The following MITF variants were observed in gnomAD, a reference collection of about 807,000 sequenced individuals.
MITF encodes the protein microphthalmia-associated transcription factor.
MITF carries 17 observed loss-of-function variants against 60.5 expected under a neutral mutation model. The observed-to-expected ratio is 0.28, with a 90% confidence interval of 0.19 to 0.42. The LOEUF (loss-of-function observed/expected upper bound fraction) is 0.42, where lower values mean the gene tolerates loss of function less well. Among genes scored for constraint, MITF ranks in the 10% least tolerant of loss-of-function variants. MITF has a pLI of 1.00. For missense variants in MITF, 622 were observed against 683.5 expected (o/e 0.91, Z 1.00); for synonymous variants, 260 against 248.5 (o/e 1.05, Z -0.43).
Position 69,858,803 on chromosome 3 carries a change from T to G in MITF, c.105-20331T>G, listed in dbSNP as rs115979367. Among the ~76,000 whole-genome samples, 1,417 of 152,310 alleles carry G rather than the reference T, an allele frequency of 9.3e-3. 18 individuals are homozygous for G. Among genetic ancestry groups the G allele is most frequent in the African/African-American group, 0.032 (1,335 of 41,570 alleles). ...TAAGATATCAAAATTCAAAACTACC[T>G]TAAGCATTGTCTCCAAATAATAACT... On this transcript the variant is annotated intron_variant, in intron 1 of 9. Transcript: ENST00000352241.
intron 1 of MITF, among the ~76,000 whole-genome samples, chr3:69,867,158 C>G (rs1207752853): frequency 2.6e-5 from 4 of 152,118 alleles, no homozygotes; most frequent in Non-Finnish European, 5.9e-5. Flanking sequence ...TATGCAAAAG[C>G]TACCTCTGGA....
At chr3:69,927,415 T>A (rs556695032) in intron 2 of MITF, among the ~76,000 whole-genome samples, 1 of 152,156 alleles carries the variant, frequency 6.6e-6, no homozygotes, top group South Asian at 2.1e-4. Flanking sequence ...AAATACCTAA[T>A]GCATGTGGGG....
rs561583119 is a variant in MITF, at chr3:69,745,035, T to A, written c.104+5334T>A. Among the ~76,000 whole-genome samples, 139 of 152,192 alleles carry A rather than the reference T, an allele frequency of 9.1e-4. 3 individuals are homozygous for A. Among genetic ancestry groups the A allele is most frequent in the Admixed American group, 2.3e-3 (35 of 15,280 alleles). ...AAACCTATTTAATCTTTGTGAAATC[T>A]GCATGAGGTGATCATAATAAATAAA... On this transcript the variant is annotated intron_variant, in intron 1 of 9. Coordinates refer to ENST00000352241, the MANE Select transcript of MITF (RefSeq NM_001354604.2).
At chr3:69,866,348 T>G in intron 1 of MITF, 2 of 1,613,748 alleles carry the variant, frequency 1.2e-6, no homozygotes, top group Non-Finnish European at 1.7e-6. Flanking sequence ...CTTGTATCTG[T>G]AAGTGAAGTT....
intron 1 of MITF, among the ~76,000 whole-genome samples, chr3:69,767,820 C>T (rs2062324318): frequency 6.6e-6 from 1 of 152,060 alleles, no homozygotes; most frequent in African/African-American, 2.4e-5. Flanking sequence ...GCTGGTGTCA[C>T]AGAGGCCAGT....
intron 9 of MITF, among the ~76,000 whole-genome samples, chr3:69,961,324 G>C (rs1349563481): frequency 6.6e-6 from 1 of 151,586 alleles, no homozygotes; most frequent in Non-Finnish European, 1.5e-5. Context: ...AGAGGTTGCA[G>C]TGAGCCAAGA....
At chr3:69,912,823 A>G (rs1284174464) in intron 2 of MITF, among the ~76,000 whole-genome samples, 2 of 152,156 alleles carry the variant, frequency 1.3e-5, no homozygotes, top group East Asian at 1.9e-4. Flanking sequence ...TTGGCCAACT[A>G]TCCTCTACCT....
At chr3:69,899,064 A>G (rs778155524) in intron 2 of MITF, among the ~76,000 whole-genome samples, 2 of 152,178 alleles carry the variant, frequency 1.3e-5, no homozygotes, top group African/African-American at 4.8e-5. Context: ...GAAAGAAAGA[A>G]AGTTTTGTAG....
At chr3:69,816,651 ATTAG>A (rs2063186517) in intron 1 of MITF, among the ~76,000 whole-genome samples, 2 of 152,320 alleles carry the variant, frequency 1.3e-5, no homozygotes, top group South Asian at 4.1e-4. Context: ...ATCTTTGGCA[ATTAG>A]TTAACATCTC....
In MITF at chr3:69,939,193, C is replaced by T. The variant is rs565370020; in HGVS notation, c.666+12C>T. On this transcript the variant is annotated intron_variant, in intron 4 of 9. Transcript: ENST00000352241. Reference sequence around the variant, plus strand: ...CGTCCTGTATGCAGGTACTGAATGACTTGGCAGCCTGAGGATGAACACTTT... The same window carrying T: ...CGTCCTGTATGCAGGTACTGAATGATTTGGCAGCCTGAGGATGAACACTTT... 90 of 1,611,560 alleles carry T rather than the reference C, an allele frequency of 5.6e-5. No homozygotes were observed. The South Asian group carries it at 9.3e-4, about 17-fold the overall frequency.
chr3:69,964,348 A>T (rs144245776), intron 9 of MITF, among the ~76,000 whole-genome samples: 946 of 76,072 alleles, frequency 0.012, 222 homozygotes, highest in African/African-American at 0.051. Flanking sequence ...TATTTTTCAT[A>T]CATAATCAAA....
Position 69,749,909 on chromosome 3 carries a change from A to G in MITF, c.104+10208A>G, listed in dbSNP as rs185897828. Among the ~76,000 whole-genome samples, 243 of 152,322 alleles carry G rather than the reference A, an allele frequency of 1.6e-3. 1 individual carries two copies. Among genetic ancestry groups the G allele is most frequent in the African/African-American group, 5.6e-3 (232 of 41,570 alleles). On this transcript the variant is annotated intron_variant, in intron 1 of 9. Coordinates refer to ENST00000352241, the MANE Select transcript of MITF (RefSeq NM_001354604.2). The stretch of plus-strand genomic sequence containing the variant: ...CAAATGCGAGATGAGTAAATGCTAA[A>G]TGATAGGATTTTGGAAGGTAATTCT...
Position 69,868,626 on chromosome 3 carries a change from C to T in MITF, c.105-10508C>T, listed in dbSNP as rs568539813. Among the ~76,000 whole-genome samples the T allele has an allele frequency of 3.7e-3, 566 of 152,102 alleles. 2 individuals carry two copies. The highest frequency in any genetic ancestry group is 0.012 in the African/African-American group (510 of 41,496). On this transcript the variant is annotated intron_variant, in intron 1 of 9. Transcript: ENST00000352241. ...GATTATAAGACAGCTATTGGCTGGG[C>T]GCGGTGGCTCACGCCTGTAATCCCA...
chr3:69,755,589 G>A (rs929069889), intron 1 of MITF, among the ~76,000 whole-genome samples: 6 of 150,676 alleles, frequency 4.0e-5, no homozygotes, highest in African/African-American at 1.5e-4. Context: ...TTTCTCTCCC[G>A]AAAACTGTGG....
intron 1 of MITF, among the ~76,000 whole-genome samples, chr3:69,851,810 T>TA (rs1294428675): frequency 2.0e-5 from 3 of 152,026 alleles, no homozygotes; most frequent in African/African-American, 7.2e-5. Flanking sequence ...AGTAAAAGAA[T>TA]AAAAAAGGAG....
At chr3:69,819,767 G>T (rs1318956904) in intron 1 of MITF, among the ~76,000 whole-genome samples, 4 of 152,122 alleles carry the variant, frequency 2.6e-5, no homozygotes, top group Non-Finnish European at 5.9e-5. Flanking sequence ...TTCCAGACCA[G>T]CCTGGCCAAC....
At chr3:69,889,025 G>GTTTTTTTTTTTTTTTTTTTTTTTTTT (rs4057977) in intron 2 of MITF, among the ~76,000 whole-genome samples, 1 of 58,806 alleles carries the variant, frequency 1.7e-5, no homozygotes, top group Non-Finnish European at 3.2e-5. Flanking sequence ...ATAGCCTTTG[G>GTTTTTTTTTTTTTTTTTTTTTTTTTT]TTTTTTTTTT....
chr3:69,794,186 C>G (rs1553680554), intron 1 of MITF, among the ~76,000 whole-genome samples: 1 of 152,146 alleles, frequency 6.6e-6, no homozygotes, highest in Non-Finnish European at 1.5e-5. Context: ...ACTGCTGTTT[C>G]CACATATTCT....
At chr3:69,812,884 G>C (rs1054684697) in intron 1 of MITF, among the ~76,000 whole-genome samples, 2 of 152,142 alleles carry the variant, frequency 1.3e-5, no homozygotes, top group South Asian at 4.1e-4. Context: ...AATTGGAAAG[G>C]AAAGTTGGTG....
Sources: allele counts gnomAD v4.1 joint callset (sites outside exome capture counted in the v4.1 genomes callset), GRCh38; gene constraint gnomAD v4.1.1; transcripts MANE v1.5; gene names NCBI Gene and HGNC (gene_info 2026-07-23, HGNC 2026-07-21).